PSG1: variants seen among roughly 807,000 people sequenced by gnomAD.
PSG1 encodes pregnancy specific beta-1-glycoprotein 1, also known as pregnancy-specific beta-1-glycoprotein 1.
In PSG1, 60 loss-of-function variants were observed where a neutral mutation model predicts 41.4. That is an observed-to-expected ratio of 1.45 (90% CI 1.18 to 1.80). The LOEUF (loss-of-function observed/expected upper bound fraction) is 1.80, where lower values mean the gene tolerates loss of function less well. PSG1 is among the 40% of genes most tolerant of loss of function. PSG1 has a pLI of 0.00. For synonymous variants in PSG1, 256 were observed against 192.9 expected, an observed-to-expected ratio of 1.33 and a Z score of -2.71; for missense variants, 806 against 516.9, an observed-to-expected ratio of 1.56 and a Z score of -5.42.
At chr19:42,871,631 C>A in intron 3 of PSG1, 136 bp downstream of exon 3, 1 of 1,600,212 alleles carries the variant, frequency 6.2e-7, no homozygotes, top group Non-Finnish European at 8.5e-7. Context: ...TTGCCTGGGG[C>A]ACAAAGTCAT....
At position 42,869,165 on chromosome 19, in the gene PSG1, T is replaced by G. The variant is rs1006284748; in HGVS notation, c.710-131A>C. 14 of 1,515,556 alleles carry G rather than the reference T, an allele frequency of 9.2e-6. 1 individual carries two copies. The highest frequency in any genetic ancestry group is 4.5e-5 in the East Asian group (2 of 44,184). The allele number at this position is 1,515,556 out of a possible 1,614,324, so 93.9% of individuals were successfully genotyped here. A position where few individuals can be genotyped will look rare whatever the true frequency, so the allele number is the denominator to read the frequency against. ...CCTTGAAAGCCAATAGCTGGTGCTT[T>G]TGTCACAAGATAGATGCATGATGAT... On this transcript the variant is annotated intron_variant, in intron 3 of 5. Transcript: ENST00000436291.
At chr19:42,876,084 G>A (rs1326599076) in intron 2 of PSG1, among the ~76,000 whole-genome samples, 1 of 151,570 alleles carries the variant, frequency 6.6e-6, no homozygotes, top group East Asian at 1.9e-4. Context: ...CCAGGCCACA[G>A]TGTTAGTGGG....
rs1231475810 is a variant in PSG1, at chr19:42,872,055, A to G, written c.431-10T>C. On this transcript the variant is annotated splice_polypyrimidine_tract_variant and intron_variant, in intron 2 of 5. Coordinates refer to ENST00000436291, the MANE Select transcript of PSG1 (RefSeq NM_001184825.2). ...GGCTTAGGAGTCTCCACTGTGCAGA[A>G]AACAGGGTGAAGATTGCCGTGTGTG... The G allele has an allele frequency of 6.2e-7, 1 of 1,606,186 alleles. No homozygotes were observed.
Position 42,872,001 on chromosome 19 carries a change from T to A in PSG1, c.475A>T (p.Arg159Trp), listed in dbSNP as rs553760458. 19 of 1,612,386 alleles carry A rather than the reference T, an allele frequency of 1.2e-5. 1 individual carries two copies. In the South Asian group the frequency reaches 1.5e-4, roughly 13 times the overall value. ...PSISSSNLNPRETMEAVSLTC... is the reference protein window; with the variant it reads ...PSISSSNLNPWETMEAVSLTC... The stretch of plus-strand genomic sequence containing the variant: ...AAGCTCACAGCCTCCATGGTCTCCC[T>A]GGGATTTAAGTTGCTGCTGGAGATG... Residue 159 changes from arginine to tryptophan, a missense_variant, in exon 3 of 6, where the codon AGG becomes TGG. Transcript: ENST00000436291.
intron 3 of PSG1, chr19:42,870,201 T>C (rs1273128003): frequency 1.3e-5 from 2 of 151,862 alleles, no homozygotes; most frequent in Non-Finnish European, 2.9e-5. Context: ...GTATTTCTTA[T>C]GCATAAGACT....
rs371186755 is a variant in PSG1, at chr19:42,878,168, G to A, written c.175C>T (p.Pro59Ser). The A allele has an allele frequency of 1.5e-5, 24 of 1,612,228 alleles. 1 individual carries two copies. Among genetic ancestry groups the A allele is most frequent in the Non-Finnish European group, 2.0e-5 (24 of 1,179,176 alleles). The change falls in exon 2 of 6, where the codon CCC becomes TCC. Residue 59 changes from proline to serine, a missense_variant. Coordinates refer to ENST00000436291, the MANE Select transcript of PSG1 (RefSeq NM_001184825.2). ...CAGATGTAGCCGGTAAGATTCTGGG[G>A]CAAATTGTGGACAAGTAGAAGAACA... Reference protein sequence around the residue: ...KDVLLLVHNLPQNLTGYIWYK... With the variant: ...KDVLLLVHNLSQNLTGYIWYK...
At chr19:42,874,711 G>A (rs922882152) in intron 2 of PSG1, among the ~76,000 whole-genome samples, 1 of 151,624 alleles carries the variant, frequency 6.6e-6, no homozygotes, top group Non-Finnish European at 1.5e-5. Flanking sequence ...TTAGAACCGA[G>A]TGACAAATTT....
rs1058668 is a variant in PSG1 at position 42,877,960 on chromosome 19, T to A, written c.383A>T (p.Asp128Val). 6.2e-7 allele frequency: 1 copy of A among 1,612,314 alleles called. No homozygotes were observed. Among genetic ancestry groups the A allele is most frequent in the Admixed American group, 1.7e-5 (1 of 59,874 alleles). The change falls in exon 2 of 6, where the codon GAT becomes GTT. Residue 128 changes from aspartate (D) to valine (V), a missense_variant. Physicochemically the swap from Asp to Val is radical, Grantham distance 152. Transcript: ENST00000436291. ...TCCAGTTACTCCTCTAGTCCCATCATCTCCCTTTATGATGTGTAAGGTGTA... is the reference window on the plus strand; with the variant it reads ...TCCAGTTACTCCTCTAGTCCCATCAACTCCCTTTATGATGTGTAAGGTGTA... ...GSYTLHIIKG[D>V]DGTRGVTGRF... is the part of the protein sequence containing the mutation.
chr19:42,871,360 A>G (rs1211069670), intron 3 of PSG1, among the ~76,000 whole-genome samples: 3 of 151,592 alleles, frequency 2.0e-5, no homozygotes, highest in Non-Finnish European at 4.4e-5. Context: ...CATCCAGGCC[A>G]TGTGGAGTAA....
chr19:42,870,859 T>G (rs892824488), intron 3 of PSG1, among the ~76,000 whole-genome samples: 5 of 151,760 alleles, frequency 3.3e-5, no homozygotes, highest in East Asian at 1.9e-4. Context: ...TTCCTTTTGA[T>G]GTTAATGTGA....
At position 42,877,932 on chromosome 19, in the gene PSG1, A is replaced by C; in HGVS notation, c.411T>G (p.Arg137=). The C allele has an allele frequency of 1.2e-6, 2 of 1,612,156 alleles. No individual in the cohort carries two copies. Among genetic ancestry groups the C allele is most frequent in the Non-Finnish European group, 1.7e-6 (2 of 1,179,036 alleles). Residue 137 remains arginine (R), a synonymous_variant, in exon 2 of 6, where the codon CGT becomes CGG. Transcript: ENST00000436291. ...GDDGTRGVTG[R]FTFTLHLETP... ...ACTTACGGTGTAAGGTGAAGGTGAAACGTCCAGTTACTCCTCTAGTCCCAT... is the reference window on the plus strand; with the variant it reads ...ACTTACGGTGTAAGGTGAAGGTGAACCGTCCAGTTACTCCTCTAGTCCCAT...
chr19:42,868,040 T>C (rs770623144), intron 5 of PSG1, 61 bp downstream of exon 5: 12 of 1,611,642 alleles, frequency 7.4e-6, no homozygotes, highest in Middle Eastern at 1.7e-4. Context: ...CTGACTCTTC[T>C]CTGAATGCCA....
In PSG1 at chr19:42,879,534, C is replaced by T. The variant is rs1425706669; in HGVS notation, c.48G>A (p.Lys16=). 2.5e-6 allele frequency: 4 copies of T among 1,610,646 alleles called. No homozygotes were observed. Among genetic ancestry groups the T allele is most frequent in the Non-Finnish European group, 2.5e-6 (3 of 1,178,156 alleles). ...APPCTQRIKW[K]GLLLTASLLN... is the part of the protein sequence containing the mutation. ...TCTCCTCACCTGTGAGCAGGAGCCC[C>T]TTCCATTTGATGCGCTGTGTGCAGG... Residue 16 remains lysine, a synonymous_variant, in exon 1 of 6, where the codon AAG becomes AAA. Transcript: ENST00000436291.
chr19:42,866,622 C>A lies in PSG1; in HGVS notation c.*512G>T, dbSNP rs7248191. ...CCTACGTCTTCATACAAACCATCTT[C>A]TCTGCAAACACACAGGCAATATCTC... On this transcript the variant is annotated 3_prime_UTR_variant, in exon 6 of 6. Coordinates refer to ENST00000436291, the MANE Select transcript of PSG1 (RefSeq NM_001184825.2). 369 of 225,856 alleles carry A rather than the reference C, an allele frequency of 1.6e-3. 10 individuals are homozygous for A. The highest frequency in any genetic ancestry group is 7.4e-3 in the African/African-American group (328 of 44,458). 14.0% of individuals were successfully genotyped at this position (225,856 alleles called of 1,614,324 possible).
intron 1 of PSG1, 124 bp from the exon 2 acceptor site, chr19:42,878,402 TACAA>T (rs1313094514): frequency 3.0e-6 from 4 of 1,317,938 alleles, no homozygotes; most frequent in African/African-American, 1.9e-5. Context: ...CACACACACA[TACAA>T]ACACACACAC....
In PSG1 at chr19:42,879,685, A is replaced by T; in HGVS notation, c.-104T>A. 2.6e-6 allele frequency: 4 copies of T among 1,516,570 alleles called. No homozygotes were observed. Among genetic ancestry groups the T allele is most frequent in the Non-Finnish European group, 3.6e-6 (4 of 1,113,106 alleles). The allele number at this position is 1,516,570 out of a possible 1,614,324, so 93.9% of individuals were successfully genotyped here. A position where few individuals can be genotyped will look rare whatever the true frequency, so the allele number is the denominator to read the frequency against. On this transcript the variant is annotated 5_prime_UTR_variant, in exon 1 of 6. Transcript: ENST00000436291. ...TGCTGTCCTTCCTCTTTCTGTGCTG[A>T]GCCTCTTCCCAGGGCAGGAGCAATT...
intron 3 of PSG1, 26 bp downstream of exon 3, chr19:42,871,741 C>A (rs760410947): frequency 2.5e-6 from 4 of 1,612,646 alleles, no homozygotes; most frequent in South Asian, 2.2e-5. Flanking sequence ...GGCAGCCTGG[C>A]TCACAGAGGA....
rs1058692 is a variant in PSG1, at chr19:42,871,887, C to T, written c.589G>A (p.Glu197Lys). Residue 197 changes from glutamate to lysine, a missense_variant, in exon 3 of 6, where the codon GAA (glutamate) becomes AAA (lysine). Coordinates refer to ENST00000436291, the MANE Select transcript of PSG1 (RefSeq NM_001184825.2). ...AATAGAAAGAGGGTCCTGTTGGTTT[C>T]GGACAGCTTCAAGCTGTGAGTCATA... ...LPMTHSLKLS[E>K]TNRTLFLLGV... 105 of 1,612,402 alleles carry T rather than the reference C, an allele frequency of 6.5e-5. No homozygotes were observed. The highest frequency in any genetic ancestry group is 5.0e-4 in the Middle Eastern group (3 of 6,058).
rs1392257938 is a variant in PSG1, at chr19:42,868,683, C to G, written c.988+73G>C. 14 of 1,596,216 alleles carry G rather than the reference C, an allele frequency of 8.8e-6. 1 individual carries two copies. In the South Asian group the frequency reaches 1.4e-4, roughly 16 times the overall value. On this transcript the variant is annotated intron_variant, in intron 4 of 5. Transcript: ENST00000436291. Reference sequence around the variant, plus strand: ...TGTCTATACTTGGACCGGAGAGAGACTGAGAGGCCTGGCATCTGGTGGTTT... The same window carrying G: ...TGTCTATACTTGGACCGGAGAGAGAGTGAGAGGCCTGGCATCTGGTGGTTT...
Sources: gnomAD v4.1 joint callset for allele counts (sites outside exome capture counted in the v4.1 genomes callset) on GRCh38, gnomAD v4.1.1 for gene constraint, MANE v1.5 for transcripts, NCBI Gene and HGNC (gene_info 2026-07-23, HGNC 2026-07-21) for gene names.